The following MGA variants were observed in gnomAD, a reference collection of about 807,000 sequenced individuals.
MGA encodes MAX dimerization protein MGA, also known as MAX gene-associated protein.
In MGA, 40 loss-of-function variants were observed where a neutral mutation model predicts 261.1. The ratio of observed to expected loss-of-function variants is 0.15; its 90% CI spans 0.12 to 0.20. The LOEUF (loss-of-function observed/expected upper bound fraction) is 0.20, where lower values mean the gene tolerates loss of function less well. Among genes scored for constraint, MGA ranks in the 10% least tolerant of loss-of-function variants. The probability of loss-of-function intolerance (pLI) is 1.00; values close to 1 mark genes in which losing one functional copy is unlikely to be tolerated. For synonymous variants in MGA, 1,302 were observed against 1,290.6 expected (o/e 1.01, Z -0.19); for missense variants, 3,397 against 3,630.5 (o/e 0.94, Z 1.65).
At chr15:41,660,751 C>A (rs975492677) in intron 1 of MGA, among the ~76,000 whole-genome samples, 3 of 152,200 alleles carry the variant, frequency 2.0e-5, no homozygotes, top group African/African-American at 7.2e-5. Context: ...GGCCTCACTT[C>A]CGCGTCGCTC....
At chr15:41,706,178 A>C (rs1449375699) in intron 5 of MGA, among the ~76,000 whole-genome samples, 1 of 151,532 alleles carries the variant, frequency 6.6e-6, no homozygotes, top group Non-Finnish European at 1.5e-5. Context: ...CGGAGGTTGC[A>C]GTGAGCCGAG....
chr15:41,681,668 T>C (rs991946070), intron 2 of MGA, among the ~76,000 whole-genome samples: 3 of 152,132 alleles, frequency 2.0e-5, no homozygotes, highest in African/African-American at 4.8e-5. Flanking sequence ...CAGGCTGGTC[T>C]TGAACTCCTG....
At chr15:41,752,549 GTTTTTTTTTTTT>G (rs35282917) in intron 17 of MGA, among the ~76,000 whole-genome samples, 1 of 102,146 alleles carries the variant, frequency 9.8e-6, no homozygotes, top group African/African-American at 3.7e-5. Flanking sequence ...AACCTTTAAA[GTTTTTTTTTTTT>G]TTTTTTTTTT....
chr15:41,746,595 G>A (rs1433417079), intron 15 of MGA, among the ~76,000 whole-genome samples: 2 of 146,084 alleles, frequency 1.4e-5, no homozygotes, highest in Admixed American at 1.4e-4. Context: ...TGTTTAAATT[G>A]CACATGATTA....
intron 1 of MGA, among the ~76,000 whole-genome samples, chr15:41,632,620 T>C (rs1034378756): frequency 1.3e-5 from 2 of 152,180 alleles, no homozygotes; most frequent in Non-Finnish European, 2.9e-5. Flanking sequence ...GTCTTTTCCC[T>C]TGCCCTCCAA....
rs780808996 is a variant in MGA, at chr15:41,711,020, T to C, written c.2755T>C (p.Leu919=). Residue 919 remains leucine, a synonymous_variant, in exon 8 of 24, where the codon TTA becomes CTA. Coordinates refer to ENST00000219905, the MANE Select transcript of MGA (RefSeq NM_001164273.2). ...AACTAAATCATCTTATAAATCCATT[T>C]TACCATACCCTGTTTCACCAAAGCA... 6.5e-5 allele frequency: 105 copies of C among 1,613,908 alleles called. No individual in the cohort carries two copies. Among genetic ancestry groups the C allele is most frequent in the Non-Finnish European group, 8.8e-5 (104 of 1,179,896 alleles).
chr15:41,638,364 A>G lies in MGA; in HGVS notation c.-68+17066A>G, dbSNP rs548760867. Among the ~76,000 whole-genome samples the G allele has an allele frequency of 5.8e-4, 85 of 147,460 alleles. 1 individual carries two copies. In the South Asian group the frequency reaches 0.018, roughly 31 times the overall value. ...ATGGGTTAATTTTTAATTTTAAAAT[A>G]TGCTAGAATTTTTTTTTTTTTGAGA... On this transcript the variant is annotated intron_variant, in intron 1 of 8. Transcript: ENST00000566718.
At chr15:41,728,581 G>A (rs2061362325) in intron 10 of MGA, among the ~76,000 whole-genome samples, 1 of 152,132 alleles carries the variant, frequency 6.6e-6, no homozygotes, top group Non-Finnish European at 1.5e-5. Flanking sequence ...GAAAGAAAAT[G>A]TTGTTACTAT....
Position 41,748,664 on chromosome 15 carries a change from C to T in MGA, c.5240C>T (p.Thr1747Ile), listed in dbSNP as rs199702761. ...AATGCTGCTCAAATTCCAGTGGCTA[C>T]TCCACAGGTCTCTCCTAACACAGTG... Residue 1747 changes from threonine (T) to isoleucine (I), a missense_variant, in exon 16 of 24, where the codon ACT becomes ATT. Physicochemically the swap from Thr to Ile is moderately conservative, Grantham distance 89. This residue lies in a region of MGA where 1,410 missense variants were observed against 1,386.4 expected (regional missense o/e 1.02). Transcript: ENST00000219905. 1.9e-6 allele frequency: 3 copies of T among 1,612,392 alleles called. No homozygotes were observed. The highest frequency in any genetic ancestry group is 3.3e-5 in the Admixed American group (2 of 59,966).
At chr15:41,643,178 ACAGGTGTGAGC>A (rs1320240516) in intron 1 of MGA, among the ~76,000 whole-genome samples, 3 of 148,806 alleles carry the variant, frequency 2.0e-5, no homozygotes, top group African/African-American at 7.4e-5. Context: ...TGCTGGGATT[ACAGGTGTGAGC>A]CATGGTGCCT....
chr15:41,730,830 A>G (rs530935249), intron 11 of MGA, among the ~76,000 whole-genome samples: 6 of 152,334 alleles, frequency 3.9e-5, no homozygotes, highest in Non-Finnish European at 4.4e-5. Context: ...CTAAGAAGCC[A>G]ATAGTTGCAG....
chr15:41,720,084 TTA>T (rs1212869961), intron 9 of MGA, among the ~76,000 whole-genome samples: 1 of 152,152 alleles, frequency 6.6e-6, no homozygotes, highest in Middle Eastern at 3.2e-3. Flanking sequence ...AACTTATAAT[TTA>T]TATGGAAATG....
intron 1 of MGA, among the ~76,000 whole-genome samples, chr15:41,651,944 T>C (rs1483778554): frequency 2.5e-4 from 8 of 32,574 alleles, no homozygotes; most frequent in African/African-American, 6.4e-4. Flanking sequence ...CCCCCGTCTC[T>C]CCTCTTCCCC....
intron 1 of MGA, among the ~76,000 whole-genome samples, chr15:41,664,198 CA>C (rs749922565): frequency 6.6e-6 from 1 of 152,146 alleles, no homozygotes; most frequent in Admixed American, 6.5e-5. Flanking sequence ...CACATTTTTA[CA>C]TTTTTTTATT....
intron 2 of MGA, among the ~76,000 whole-genome samples, chr15:41,683,116 A>G (rs929501959): frequency 1.3e-5 from 2 of 152,160 alleles, no homozygotes; most frequent in Non-Finnish European, 2.9e-5. Context: ...GGTGATTTGA[A>G]TGTAACCTTG....
intron 2 of MGA, among the ~76,000 whole-genome samples, chr15:41,678,846 C>T (rs1244302255): frequency 6.6e-6 from 1 of 151,722 alleles, no homozygotes; most frequent in Non-Finnish European, 1.5e-5. Context: ...AATCAATTGC[C>T]CACATATGTG....
intron 1 of MGA, among the ~76,000 whole-genome samples, chr15:41,624,932 A>G (rs929272761): frequency 1.3e-5 from 2 of 152,224 alleles, no homozygotes; most frequent in Non-Finnish European, 2.9e-5. Flanking sequence ...GCTCAAACCC[A>G]GGAATTCAAG....
intron 2 of MGA, among the ~76,000 whole-genome samples, chr15:41,683,420 C>A (rs763254657): frequency 2.6e-5 from 4 of 151,914 alleles, no homozygotes; most frequent in Admixed American, 1.3e-4. Flanking sequence ...TTTGTAGATA[C>A]AAGGTCTCAC....
chr15:41,631,156 G>A (rs1392752838), intron 1 of MGA, among the ~76,000 whole-genome samples: 1 of 151,974 alleles, frequency 6.6e-6, no homozygotes, highest in East Asian at 1.9e-4. Context: ...TATAAATCAG[G>A]GACTGCATTT....
Sources: gnomAD v4.1 joint callset for allele counts (sites outside exome capture counted in the v4.1 genomes callset) on GRCh38, gnomAD v4.1.1 for gene constraint, gnomAD v4.1.1 regional missense constraint, MANE v1.5 for transcripts, NCBI Gene and HGNC (gene_info 2026-07-23, HGNC 2026-07-21) for gene names.